Variants in PCNX2 observed in about 807,000 individuals in gnomAD.
The protein encoded by PCNX2 is pecanex 2.
PCNX2 carries 168 observed loss-of-function variants against 223.8 expected under a neutral mutation model. The ratio of observed to expected loss-of-function variants is 0.75; its 90% confidence interval spans 0.66 to 0.85. The LOEUF is 0.85. PCNX2 is among the 40% of genes least tolerant of loss of function. The pLI is 0.00. For synonymous variants in PCNX2, 1,006 were observed against 1,052.6 expected, an observed-to-expected ratio of 0.96 and a Z score of 0.86; for missense variants, 2,507 against 2,675.5, an observed-to-expected ratio of 0.94 and a Z score of 1.39.
At chr1:233,122,097 C>CAT (rs1338980752) in intron 21 of PCNX2, among the ~76,000 whole-genome samples, 5 of 149,008 alleles carry the variant, frequency 3.4e-5, no homozygotes, top group Admixed American at 2.7e-4. Flanking sequence ...CACACACACA[C>CAT]ACACACACAC....
At position 233,139,585 on chromosome 1, in the gene PCNX2, T is replaced by C; in HGVS notation, c.3659+129A>G. The C allele has an allele frequency of 1.2e-5, 13 of 1,129,056 alleles. No homozygotes were observed. Among genetic ancestry groups the C allele is most frequent in the Non-Finnish European group, 1.6e-5 (13 of 807,636 alleles). The allele number at this position is 1,129,056 out of a possible 1,614,324, so 69.9% of individuals were successfully genotyped here. A position where few individuals can be genotyped will look rare whatever the true frequency, so the allele number is the denominator to read the frequency against. On this transcript the variant is annotated intron_variant, in intron 20 of 33. Transcript: ENST00000258229. This position sits in a 1 kb window ranked among gnomAD's most constrained non-coding sequence, Gnocchi z 4.4. Reference sequence around the variant, plus strand: ...GTGGGTTTTGAGTAAAAGACCACCATGGCTTATTTTTACATGGCCAATCAC... The same window carrying C: ...GTGGGTTTTGAGTAAAAGACCACCACGGCTTATTTTTACATGGCCAATCAC...
intron 10 of PCNX2, among the ~76,000 whole-genome samples, chr1:233,220,720 A>G (rs1339416805): frequency 1.3e-5 from 2 of 152,142 alleles, no homozygotes; most frequent in African/African-American, 2.4e-5. Flanking sequence ...TCTGTGGAAC[A>G]TTTTTTAACG....
At chr1:233,142,034 G>A (rs1300859618) in intron 19 of PCNX2, among the ~76,000 whole-genome samples, 1 of 152,114 alleles carries the variant, frequency 6.6e-6, no homozygotes, top group Admixed American at 6.5e-5. Context: ...AGAGTGGGAG[G>A]AGAATAAAGT....
rs201916550 is a variant in PCNX2, at chr1:233,161,271, T to G, written c.3366A>C (p.Arg1122=). The change falls in exon 18 of 34, where the codon CGA becomes CGC. Residue 1122 remains arginine (R), a splice_region_variant and synonymous_variant. Transcript: ENST00000258229. The part of the protein sequence containing the change: ...VSASTVFLSL[R]PFLSIVLFAL... ...GAGTACAAAGTTGGTGGATACATAC[T>G]CGCAATGACAGGAATACAGTGCTGG... 26 of 1,612,654 alleles carry G rather than the reference T, an allele frequency of 1.6e-5. 1 individual carries two copies. The highest frequency in any genetic ancestry group is 2.2e-5 in the Non-Finnish European group (26 of 1,178,934).
intron 17 of PCNX2, 55 bp from the exon 18 acceptor site, chr1:233,161,418 G>C (rs1678473408): frequency 6.9e-7 from 1 of 1,446,342 alleles, no homozygotes; most frequent in African/African-American, 1.4e-5. Context: ...CAGCAACTCT[G>C]TGTAACCAGG....
chr1:232,998,582 G>A, intron 31 of PCNX2, 144 bp from the exon 32 acceptor site: 1 of 788,296 alleles, frequency 1.3e-6, no homozygotes, highest in South Asian at 1.9e-5. Flanking sequence ...TGGGAAGAGG[G>A]GCTGTTGTTC....
chr1:233,300,988 AC>A, the PCNX2 span, among the ~76,000 whole-genome samples: 11 of 152,184 alleles, frequency 7.2e-5, no homozygotes, highest in Middle Eastern at 3.4e-3. Context: ...CTCTTTTGTA[AC>A]CCCCTAGAGG....
chr1:233,168,908 AT>A (rs1189327252), intron 17 of PCNX2, among the ~76,000 whole-genome samples: 1 of 152,086 alleles, frequency 6.6e-6, no homozygotes, highest in Non-Finnish European at 1.5e-5. Flanking sequence ...ATGCCACCTC[AT>A]TTTAATTTGC....
chr1:233,118,238 A>C (rs530175232), intron 21 of PCNX2, among the ~76,000 whole-genome samples: 12 of 152,252 alleles, frequency 7.9e-5, no homozygotes, highest in Admixed American at 2.6e-4. Context: ...AACTTTCTCT[A>C]CTAGATAAAG....
intron 1 of PCNX2, among the ~76,000 whole-genome samples, chr1:233,290,029 G>A (rs946498508): frequency 5.3e-5 from 8 of 152,032 alleles, no homozygotes; most frequent in Admixed American, 3.3e-4. Context: ...CCTGGGGGGC[G>A]GGGGGAAAGA....
intron 23 of PCNX2, among the ~76,000 whole-genome samples, chr1:233,080,185 A>G (rs780530987): frequency 8.6e-5 from 13 of 152,024 alleles, no homozygotes; most frequent in Non-Finnish European, 1.9e-4. Context: ...GTCCATCTTG[A>G]CATTTCTATG....
At chr1:233,124,633 T>C (rs1351642445) in intron 21 of PCNX2, among the ~76,000 whole-genome samples, 1 of 152,202 alleles carries the variant, frequency 6.6e-6, no homozygotes, top group Non-Finnish European at 1.5e-5. Flanking sequence ...GAAATAACAT[T>C]TGTTGTTCAT....
upstream of PCNX2, among the ~76,000 whole-genome samples, chr1:233,295,964 C>G (rs28413982): frequency 0.07 from 10,147 of 144,672 alleles, 412 homozygotes; most frequent in Non-Finnish European, 0.088. This position sits in a 1 kb window ranked among gnomAD's most constrained non-coding sequence, Gnocchi z 4.1. Context: ...CTCTCTCTCT[C>G]TCTCTTTCTT....
chr1:233,144,262 T>C (rs1268321340), intron 19 of PCNX2, among the ~76,000 whole-genome samples: 2 of 152,134 alleles, frequency 1.3e-5, no homozygotes, highest in East Asian at 1.9e-4. Flanking sequence ...ACCCGGAAAA[T>C]ATTTTCATTT....
chr1:233,208,101 A>G (rs112187991), intron 13 of PCNX2, among the ~76,000 whole-genome samples: 2,392 of 152,226 alleles, frequency 0.016, 44 homozygotes, highest in Non-Finnish European at 0.019. Context: ...AATTACAGGC[A>G]TGCGCCAACA....
At chr1:233,217,032 A>C (rs939945271) in intron 12 of PCNX2, among the ~76,000 whole-genome samples, 3 of 152,176 alleles carry the variant, frequency 2.0e-5, no homozygotes, top group Non-Finnish European at 4.4e-5. Flanking sequence ...AGAAAAAGCG[A>C]ATAGAATGGT....
chr1:233,022,385 G>T (rs1670921827), intron 26 of PCNX2, among the ~76,000 whole-genome samples: 2 of 152,250 alleles, frequency 1.3e-5, no homozygotes, highest in Non-Finnish European at 2.9e-5. Flanking sequence ...GCCATAGAGT[G>T]AAGTAGGAAA....
chr1:233,133,498 A>G (rs1676625249), intron 21 of PCNX2, among the ~76,000 whole-genome samples: 1 of 152,142 alleles, frequency 6.6e-6, no homozygotes, highest in Non-Finnish European at 1.5e-5. Flanking sequence ...ATGGTGAGAA[A>G]CCAATGGAAG....
intron 24 of PCNX2, 88 bp from the exon 25 acceptor site, chr1:233,054,571 AG>A: frequency 2.8e-6 from 3 of 1,074,988 alleles, no homozygotes; most frequent in South Asian, 3.0e-5. Flanking sequence ...CATCTGATTA[AG>A]GGTAAAATCA....
Sources: allele counts gnomAD v4.1 joint callset (sites outside exome capture counted in the v4.1 genomes callset), GRCh38; gene constraint gnomAD v4.1.1; non-coding constraint Gnocchi (gnomAD v3.1); transcripts MANE v1.5; gene names NCBI Gene and HGNC (gene_info 2026-07-23, HGNC 2026-07-21).